Variants in UBE2U observed in about 807,000 individuals in gnomAD.
UBE2U encodes ubiquitin-conjugating enzyme E2 U.
A neutral mutation model predicts 41.2 loss-of-function variants in UBE2U; 39 were observed. The observed-to-expected ratio is 0.95, with a 90% CI of 0.73 to 1.24. The LOEUF is 1.24. Among genes scored for constraint, UBE2U ranks in the 50% most tolerant of loss-of-function variants. The pLI is 0.00. For missense variants in UBE2U, 336 were observed against 363.1 expected (o/e 0.93, Z 0.61); for synonymous variants, 107 against 117.8 (o/e 0.91, Z 0.60).
intron 3 of UBE2U, among the ~76,000 whole-genome samples, chr1:64,207,306 A>G (rs921779253): frequency 1.3e-5 from 2 of 152,192 alleles, no homozygotes; most frequent in East Asian, 3.9e-4. Flanking sequence ...ATGCGCCACC[A>G]CACCTGGCTA....
chr1:64,244,041 A>G (rs1462610515), intron 8 of UBE2U: 2 of 888,232 alleles, frequency 2.3e-6, no homozygotes, highest in Non-Finnish European at 3.8e-6. Flanking sequence ...AAAATGCTTC[A>G]AACAGTATCT....
intron 9 of UBE2U, among the ~76,000 whole-genome samples, chr1:64,263,959 G>A (rs373475604): frequency 2.1e-4 from 32 of 152,268 alleles, no homozygotes; most frequent in African/African-American, 7.0e-4. Context: ...TTTCCCACTC[G>A]TGTCAGTGCA....
At chr1:64,243,744 A>T (rs1278556416) in intron 8 of UBE2U, among the ~76,000 whole-genome samples, 1 of 152,128 alleles carries the variant, frequency 6.6e-6, no homozygotes, top group Non-Finnish European at 1.5e-5. Context: ...TTGGGGACCT[A>T]AGACCTCCTT....
chr1:64,206,215 C>T (rs547926107), intron 2 of UBE2U, among the ~76,000 whole-genome samples: 4 of 151,940 alleles, frequency 2.6e-5, no homozygotes, highest in Non-Finnish European at 5.9e-5. Context: ...AAGATAGATT[C>T]CTTGAGTGAG....
chr1:64,223,988 CA>C (rs930121629), intron 6 of UBE2U, among the ~76,000 whole-genome samples: 16 of 152,036 alleles, frequency 1.1e-4, no homozygotes, highest in African/African-American at 3.9e-4. Flanking sequence ...ATAAGATTAT[CA>C]GGAGCTGAGA....
At chr1:64,217,458 A>G (rs1482962934) in intron 5 of UBE2U, among the ~76,000 whole-genome samples, 1 of 152,184 alleles carries the variant, frequency 6.6e-6, no homozygotes, top group Non-Finnish European at 1.5e-5. Flanking sequence ...TCATATGAGC[A>G]ATTATCTGCC....
intron 6 of UBE2U, among the ~76,000 whole-genome samples, chr1:64,222,991 G>A (rs1191541252): frequency 6.6e-6 from 1 of 152,182 alleles, no homozygotes; most frequent in Non-Finnish European, 1.5e-5. Flanking sequence ...ACTTGTGCTA[G>A]TCATCTGGGA....
rs113386373 is a variant in UBE2U at position 64,247,339 on chromosome 1, C to G, written c.677+5606C>G. Among the ~76,000 whole-genome samples the G allele has an allele frequency of 1.4e-3, 210 of 152,254 alleles. 1 individual carries two copies. The highest frequency in any genetic ancestry group is 4.8e-3 in the African/African-American group (201 of 41,534). On this transcript the variant is annotated intron_variant, in intron 8 of 9. Coordinates refer to ENST00000371077, the MANE Select transcript of UBE2U (RefSeq NM_001366232.2). ...CTTAGGGCTTCTCCCTTCCTCTCTC[C>G]TGAAAAAGCGGAATTTTAATATGAG...
intron 6 of UBE2U, among the ~76,000 whole-genome samples, chr1:64,226,373 A>G (rs774113925): frequency 2.6e-5 from 4 of 152,206 alleles, no homozygotes; most frequent in Admixed American, 6.5e-5. Context: ...AGGGAGATTG[A>G]CTGGGAAGGG....
chr1:64,234,817 C>T (rs537381887), intron 7 of UBE2U, among the ~76,000 whole-genome samples: 106 of 152,222 alleles, frequency 7.0e-4, no homozygotes, highest in Admixed American at 1.7e-3. Context: ...GCTGTGTGTA[C>T]CTACTATGTA....
At chr1:64,263,160 C>T (rs1047149483) in intron 9 of UBE2U, among the ~76,000 whole-genome samples, 1 of 152,164 alleles carries the variant, frequency 6.6e-6, no homozygotes, top group Non-Finnish European at 1.5e-5. Context: ...ATGGAATAGA[C>T]TCCTTTCTGT....
intron 8 of UBE2U, among the ~76,000 whole-genome samples, chr1:64,257,833 T>G (rs1415958650): frequency 6.6e-6 from 1 of 151,758 alleles, no homozygotes; most frequent in Non-Finnish European, 1.5e-5. Context: ...CCCAATAAAC[T>G]TTTCAAATAA....
At chr1:64,237,053 G>A (rs558889564) in intron 7 of UBE2U, among the ~76,000 whole-genome samples, 35 of 152,128 alleles carry the variant, frequency 2.3e-4, no homozygotes, top group Non-Finnish European at 4.7e-4. Flanking sequence ...CCTTAGCCCT[G>A]TATCAGTTTT....
At chr1:64,252,861 A>G (rs1239900651) in intron 8 of UBE2U, among the ~76,000 whole-genome samples, 1 of 152,224 alleles carries the variant, frequency 6.6e-6, no homozygotes, top group African/African-American at 2.4e-5. Context: ...ATTCTCCTCC[A>G]AATGACTGCA....
In UBE2U at chr1:64,203,750, G is replaced by A. The variant is rs1426872079; in HGVS notation, c.-301G>A. On this transcript the variant is annotated 5_prime_UTR_variant, in exon 1 of 10. Transcript: ENST00000371077. ...GCGCCGACGACATGGGCTTGTCTCC[G>A]TTACTCATCCAAGTTTGTCTTGAGA... is the stretch of plus-strand genomic sequence containing the variant. The A allele has an allele frequency of 3.1e-4, 91 of 294,662 alleles. 2 individuals are homozygous for A. Among genetic ancestry groups the A allele is most frequent in the Non-Finnish European group, 1.3e-5 (2 of 159,724 alleles). 18.3% of individuals were successfully genotyped at this position (294,662 alleles called of 1,614,324 possible).
Position 64,264,545 on chromosome 1 carries a change from C to T in UBE2U, c.770-2479C>T, listed in dbSNP as rs112533919. Among the ~76,000 whole-genome samples, 226 of 152,256 alleles carry T rather than the reference C, an allele frequency of 1.5e-3. 1 individual carries two copies. Among genetic ancestry groups the T allele is most frequent in the African/African-American group, 5.2e-3 (217 of 41,544 alleles). On this transcript the variant is annotated intron_variant, in intron 9 of 9. Coordinates refer to ENST00000371077, the MANE Select transcript of UBE2U (RefSeq NM_001366232.2). ...TTTTATGCTTCCTGGGAGTTTTTAA[C>T]AGGGCAGGAACTAAGAAGGCAAATA...
At chr1:64,246,473 CATT>C (rs550793767) in intron 8 of UBE2U, among the ~76,000 whole-genome samples, 1 of 152,210 alleles carries the variant, frequency 6.6e-6, no homozygotes, top group South Asian at 2.1e-4. Flanking sequence ...GTATTTAATG[CATT>C]TTTTAAGGAG....
In UBE2U at chr1:64,203,699, G is replaced by A. The variant is rs1471003721; in HGVS notation, c.-352G>A. 2 of 194,766 alleles carry A rather than the reference G, an allele frequency of 1.0e-5. No individual in the cohort carries two copies. The highest frequency in any genetic ancestry group is 2.1e-5 in the Non-Finnish European group (2 of 96,298). 12.1% of individuals were successfully genotyped at this position (194,766 alleles called of 1,614,324 possible). ...AAGACAACCTGCTAGGACCCTGATA[G>A]GCGTACACCTCTCACTCCCACTCAC... is the stretch of plus-strand genomic sequence containing the variant. On this transcript the variant is annotated 5_prime_UTR_variant, in exon 1 of 10. Transcript: ENST00000371077.
intron 8 of UBE2U, among the ~76,000 whole-genome samples, chr1:64,258,336 T>A (rs145486376): frequency 0.014 from 2,083 of 152,312 alleles, 27 homozygotes; most frequent in Middle Eastern, 0.044. Context: ...TCTTTTTTTT[T>A]TATACTTTAA....
Sources: allele counts gnomAD v4.1 joint callset (sites outside exome capture counted in the v4.1 genomes callset), GRCh38; gene constraint gnomAD v4.1.1; transcripts MANE v1.5; gene names NCBI Gene and HGNC (gene_info 2026-07-23, HGNC 2026-07-21).